Variants in CDH18 observed in about 807,000 individuals in gnomAD.
CDH18 encodes the protein cadherin-18.
Under a neutral mutation model 67.9 loss-of-function variants are expected in CDH18, and 31 were observed. That is an observed-to-expected ratio of 0.46 (90% CI 0.34 to 0.62). The LOEUF (loss-of-function observed/expected upper bound fraction) is 0.62, where lower values mean the gene tolerates loss of function less well. Ranked by LOEUF, CDH18 falls within the 20% of genes least tolerant of loss-of-function variation. CDH18 has a pLI of 0.01. For missense variants in CDH18, 890 were observed against 975.5 expected, an observed-to-expected ratio of 0.91 and a Z score of 1.17; for synonymous variants, 362 against 347.2, an observed-to-expected ratio of 1.04 and a Z score of -0.48.
intron 2 of CDH18, among the ~76,000 whole-genome samples, chr5:20,016,009 A>T (rs1033980765): frequency 7.9e-5 from 12 of 152,184 alleles, no homozygotes; most frequent in African/African-American, 2.9e-4. Flanking sequence ...AGACACTTAC[A>T]CATGTATATT....
chr5:20,545,404 C>T (rs1334833084), intron 1 of CDH18, among the ~76,000 whole-genome samples: 1 of 152,208 alleles, frequency 6.6e-6, no homozygotes, highest in African/African-American at 2.4e-5. Context: ...CAGAGGTTCT[C>T]CATGAGGGCT....
chr5:20,440,966 T>A (rs1462178979), intron 1 of CDH18, among the ~76,000 whole-genome samples: 1 of 151,944 alleles, frequency 6.6e-6, no homozygotes, highest in Admixed American at 6.5e-5. Flanking sequence ...GGTTGCTATT[T>A]CTGAAGCATT....
At chr5:19,984,533 T>C (rs1183609023) in intron 1 of CDH18, among the ~76,000 whole-genome samples, 1 of 152,196 alleles carries the variant, frequency 6.6e-6, no homozygotes, top group Non-Finnish European at 1.5e-5. Context: ...ACCTTTCTTG[T>C]AGATGATTTT....
At chr5:20,107,167 G>A (rs1427275710) in intron 2 of CDH18, among the ~76,000 whole-genome samples, 3 of 149,834 alleles carry the variant, frequency 2.0e-5, no homozygotes, top group Admixed American at 6.7e-5. Flanking sequence ...TGCAAGCTCC[G>A]CCTCCTGGGT....
At chr5:19,756,813 A>G (rs1288759712) in intron 3 of CDH18, among the ~76,000 whole-genome samples, 1 of 152,124 alleles carries the variant, frequency 6.6e-6, no homozygotes, top group East Asian at 1.9e-4. Flanking sequence ...GGAAGCAAAT[A>G]TTTTGCTAGT....
intron 8 of CDH18, among the ~76,000 whole-genome samples, chr5:19,552,961 T>C (rs1173045079): frequency 6.6e-6 from 1 of 152,168 alleles, no homozygotes; most frequent in Non-Finnish European, 1.5e-5. Flanking sequence ...ATGATGAAAG[T>C]AAAAAGAAAA....
intron 1 of CDH18, among the ~76,000 whole-genome samples, chr5:20,496,427 T>A (rs758384736): frequency 2.0e-5 from 3 of 152,068 alleles, no homozygotes; most frequent in Non-Finnish European, 4.4e-5. Flanking sequence ...TGTCTGCCAA[T>A]CCAAAAATAA....
At chr5:20,389,181 G>A (rs1441741432) in intron 1 of CDH18, among the ~76,000 whole-genome samples, 1 of 152,050 alleles carries the variant, frequency 6.6e-6, no homozygotes, top group African/African-American at 2.4e-5. Flanking sequence ...TATTGTGTGG[G>A]CATCTAAGTC....
Position 19,503,034 on chromosome 5 carries a change from G to A in CDH18, c.1588C>T (p.Arg530Cys), listed in dbSNP as rs1283307625. The A allele has an allele frequency of 1.8e-5, 29 of 1,611,702 alleles. No homozygotes were observed. The highest frequency in any genetic ancestry group is 4.5e-5 in the East Asian group (2 of 44,832). The change falls in exon 11 of 13, where the codon CGC becomes TGC. Residue 530 changes from arginine (R) to cysteine (C), a missense_variant. Arg to Cys is a radical substitution (Grantham distance 180). Coordinates refer to ENST00000382275, the MANE Select transcript of CDH18 (RefSeq NM_004934.5). ...GPRFNFFLDE[R>C]LPVNPNFTLK... ...GTGAAGTTTGGATTTACAGGCAGGC[G>A]TTCATCAAGAAAGAAGTTAAACCTT... is the stretch of plus-strand genomic sequence containing the variant.
chr5:19,924,104 T>C (rs1014063739), intron 2 of CDH18, among the ~76,000 whole-genome samples: 2 of 152,194 alleles, frequency 1.3e-5, no homozygotes, highest in African/African-American at 2.4e-5. Flanking sequence ...ATAAATATCA[T>C]AGTTTTCAAC....
intron 1 of CDH18, among the ~76,000 whole-genome samples, chr5:20,385,632 T>C (rs1744256114): frequency 6.6e-6 from 1 of 152,146 alleles, no homozygotes; most frequent in South Asian, 2.1e-4. Flanking sequence ...AATCACCTCA[T>C]CAAACTAGTG....
chr5:19,685,002 G>T (rs1760874969), intron 5 of CDH18, among the ~76,000 whole-genome samples: 1 of 152,060 alleles, frequency 6.6e-6, no homozygotes, highest in Non-Finnish European at 1.5e-5. Flanking sequence ...TAAAGATTCT[G>T]ACTGAATGGC....
At chr5:19,940,687 T>C (rs774261354) in intron 2 of CDH18, among the ~76,000 whole-genome samples, 20 of 151,990 alleles carry the variant, frequency 1.3e-4, no homozygotes, top group Non-Finnish European at 2.6e-4. Flanking sequence ...GTTTTCATGG[T>C]TCCTGTCAAT....
chr5:20,061,295 A>G (rs1029646837), intron 2 of CDH18, among the ~76,000 whole-genome samples: 1 of 152,120 alleles, frequency 6.6e-6, no homozygotes, highest in Non-Finnish European at 1.5e-5. Context: ...AATAATGAAA[A>G]TAAATACATA....
intron 9 of CDH18, among the ~76,000 whole-genome samples, chr5:19,531,563 A>G (rs1032952942): frequency 3.3e-5 from 5 of 151,798 alleles, no homozygotes; most frequent in African/African-American, 9.7e-5. Flanking sequence ...TTGTTTGACA[A>G]TCCCACACCT....
chr5:20,027,367 G>A (rs1192869158), intron 2 of CDH18, among the ~76,000 whole-genome samples: 1 of 152,052 alleles, frequency 6.6e-6, no homozygotes, highest in Non-Finnish European at 1.5e-5. Context: ...TGCTGTTTTT[G>A]TCCATTTTGA....
chr5:20,328,333 C>A (rs1184501246), intron 1 of CDH18, among the ~76,000 whole-genome samples: 2 of 152,062 alleles, frequency 1.3e-5, no homozygotes, highest in Non-Finnish European at 2.9e-5. Flanking sequence ...TGAGAAAGAC[C>A]AATTTTCACT....
chr5:20,210,424 A>C (rs2126375065), intron 2 of CDH18, among the ~76,000 whole-genome samples: 1 of 152,006 alleles, frequency 6.6e-6, no homozygotes, highest in East Asian at 1.9e-4. Flanking sequence ...TTTCCTCCAT[A>C]ATTTTCCCAT....
intron 3 of CDH18, among the ~76,000 whole-genome samples, chr5:19,788,852 T>C (rs535866939): frequency 6.6e-6 from 1 of 152,328 alleles, no homozygotes; most frequent in East Asian, 1.9e-4. Context: ...TTTAAATAGA[T>C]TCATATCCCA....
Sources: gnomAD v4.1 joint callset for allele counts (sites outside exome capture counted in the v4.1 genomes callset) on GRCh38, gnomAD v4.1.1 for gene constraint, MANE v1.5 for transcripts, NCBI Gene and HGNC (gene_info 2026-07-23, HGNC 2026-07-21) for gene names.